Variants in TLR6 observed in about 807,000 individuals in gnomAD.
TLR6 encodes toll-like receptor 6.
A neutral mutation model predicts 16.1 loss-of-function variants in TLR6; 9 were observed. That is an observed-to-expected ratio of 0.56 (90% CI 0.34 to 0.98). The LOEUF (loss-of-function observed/expected upper bound fraction) is 0.98. Ranked by LOEUF, TLR6 falls within the 50% of genes least tolerant of loss-of-function variation. The pLI, the probability that TLR6 is intolerant of heterozygous loss-of-function variation, is 0.02. For missense variants in TLR6, 786 were observed against 921.0 expected (o/e 0.85, Z 1.90); for synonymous variants, 340 against 338.6 (o/e 1.00, Z -0.04).
chr4:38,828,392 G>T, exon 2 of TLR6: 1 of 1,612,942 alleles, frequency 6.2e-7, no homozygotes, highest in South Asian at 1.1e-5. Flanking sequence ...AACGTTCTGG[G>T]TAAAGTTCAA....
At chr4:38,838,922 A>AG (rs1168294653) in intron 1 of TLR6, among the ~76,000 whole-genome samples, 2 of 110,016 alleles carry the variant, frequency 1.8e-5, no homozygotes, top group South Asian at 3.7e-4. Context: ...GAAGGGAGGG[A>AG]GGGAGGGAAG....
the TLR6 span, among the ~76,000 whole-genome samples, chr4:38,862,128 T>C: frequency 2.4e-4 from 36 of 152,296 alleles, no homozygotes; most frequent in African/African-American, 8.7e-4. Context: ...GAACTCTTGC[T>C]GTCCTTCGGA....
chr4:38,862,113 T>G, the TLR6 span, among the ~76,000 whole-genome samples: 3 of 152,206 alleles, frequency 2.0e-5, no homozygotes, highest in Non-Finnish European at 4.4e-5. Flanking sequence ...GCATGAGTTC[T>G]ACCTGAACTC....
At chr4:38,834,439 G>A (rs191709346) in intron 1 of TLR6, among the ~76,000 whole-genome samples, 4 of 150,978 alleles carry the variant, frequency 2.6e-5, no homozygotes, top group Admixed American at 6.6e-5. Context: ...AGTTCCAGAA[G>A]CAGAAGAGAT....
chr4:38,863,178 A>G, the TLR6 span, among the ~76,000 whole-genome samples: 1 of 152,222 alleles, frequency 6.6e-6, no homozygotes, highest in Middle Eastern at 3.4e-3. Flanking sequence ...GCTTCTTTGA[A>G]CTATTAGCAG....
chr4:38,826,346 T>C (rs973634555), exon 2 of TLR6: 3 of 152,230 alleles, frequency 2.0e-5, no homozygotes, highest in African/African-American at 7.2e-5. Context: ...GTTGGTGCAG[T>C]TACTGTCTTT....
Position 38,848,108 on chromosome 4 carries a change from C to T in TLR6, c.-65+8653G>A, listed in dbSNP as rs542374575. Among the ~76,000 whole-genome samples, 7 of 146,164 alleles carry T rather than the reference C, an allele frequency of 4.8e-5. No individual in the cohort carries two copies. In the South Asian group the frequency reaches 1.5e-3, roughly 31 times the overall value. On this transcript the variant is annotated intron_variant, in intron 1 of 1. Coordinates refer to ENST00000436693, the Ensembl canonical transcript of TLR6. The stretch of plus-strand genomic sequence containing the variant: ...AGCTTCCAGAGGAACGATCAGGCAG[C>T]AACATTTGCTGTTCAGCAATATTCG...
At chr4:38,858,904 A>AAAG (rs1713132218), upstream of TLR6, among the ~76,000 whole-genome samples, 12 of 148,646 alleles carry the variant, frequency 8.1e-5, no homozygotes, top group South Asian at 1.3e-3. Context: ...AGAAAGAAAG[A>AAAG]AAAGAAAGAA....
At chr4:38,823,106 C>T (rs1727393145), downstream of TLR6, among the ~76,000 whole-genome samples, 1 of 152,146 alleles carries the variant, frequency 6.6e-6, no homozygotes, top group South Asian at 2.1e-4. Context: ...AAGACCCGCC[C>T]CCATGATGCA....
At chr4:38,864,729 G>A in the TLR6 span, among the ~76,000 whole-genome samples, 3 of 152,186 alleles carry the variant, frequency 2.0e-5, no homozygotes, top group Non-Finnish European at 2.9e-5. Flanking sequence ...TGAGTGAGGG[G>A]GGCTGTGCAT....
At chr4:38,857,790 A>G (rs904794133), upstream of TLR6, among the ~76,000 whole-genome samples, 1 of 152,236 alleles carries the variant, frequency 6.6e-6, no homozygotes. Flanking sequence ...CTCATCAAAC[A>G]TAACAGGAAG....
At chr4:38,829,349 C>T in exon 2 of TLR6, 2 of 1,614,102 alleles carry the variant, frequency 1.2e-6, no homozygotes, top group Non-Finnish European at 1.7e-6. Context: ...ATGAATAAGA[C>T]CTCTTTTTGA....
At chr4:38,859,749 A>G (rs1713156124), upstream of TLR6, among the ~76,000 whole-genome samples, 1 of 151,472 alleles carries the variant, frequency 6.6e-6, no homozygotes, top group Non-Finnish European at 1.5e-5. Context: ...ATTTTTTTGC[A>G]GAGACAGGGT....
exon 2 of TLR6, chr4:38,828,172 A>G (rs749504631): frequency 1.9e-6 from 3 of 1,614,214 alleles, no homozygotes; most frequent in South Asian, 2.2e-5. Context: ...TTGAAGACAA[A>G]TTTAACACCA....
At chr4:38,868,085 C>T in the TLR6 span, 10 of 420,140 alleles carry the variant, frequency 2.4e-5, no homozygotes, top group Non-Finnish European at 9.8e-6. Flanking sequence ...GTGTGTCGCT[C>T]CGGGTCCACG....
intron 1 of TLR6, among the ~76,000 whole-genome samples, chr4:38,848,576 G>A (rs1224115270): frequency 1.3e-5 from 2 of 152,182 alleles, no homozygotes; most frequent in African/African-American, 2.4e-5. Context: ...GTGTAGAGAA[G>A]TCCTTAAAGG....
intron 1 of TLR6, among the ~76,000 whole-genome samples, chr4:38,850,312 T>C (rs896752862): frequency 2.0e-5 from 3 of 151,886 alleles, no homozygotes; most frequent in African/African-American, 7.3e-5. Flanking sequence ...ACATCACAAT[T>C]AAAAGAACTA....
chr4:38,839,062 G>A (rs1712101082), intron 1 of TLR6, among the ~76,000 whole-genome samples: 1 of 109,134 alleles, frequency 9.2e-6, no homozygotes, highest in Non-Finnish European at 1.7e-5. Flanking sequence ...AAGAGAGAAA[G>A]AAATAGAAAG....
chr4:38,846,079 G>A (rs11942182), intron 1 of TLR6, among the ~76,000 whole-genome samples: 31,575 of 132,888 alleles, frequency 0.24, 4,198 homozygotes, highest in Non-Finnish European at 0.29. Context: ...GCCACAGAGC[G>A]AGACATCTCA....
Sources: allele counts gnomAD v4.1 joint callset (sites outside exome capture counted in the v4.1 genomes callset), GRCh38; gene constraint gnomAD v4.1.1; transcripts MANE v1.5; gene names NCBI Gene and HGNC (gene_info 2026-07-23, HGNC 2026-07-21).